Variants in TTC29 observed in about 807,000 individuals in gnomAD.
The protein encoded by TTC29 is tetratricopeptide repeat domain 29, also known as tetratricopeptide repeat protein 29.
TTC29 carries 49 observed loss-of-function variants against 58.1 expected under a neutral mutation model. The observed-to-expected ratio is 0.84, with a 90% CI of 0.67 to 1.07. The LOEUF (loss-of-function observed/expected upper bound fraction) is 1.07, where lower values mean the gene tolerates loss of function less well. Among genes scored for constraint, TTC29 ranks in the 50% least tolerant of loss-of-function variants. TTC29 has a pLI of 0.00. For missense variants in TTC29, 582 were observed against 555.6 expected, an observed-to-expected ratio of 1.05 and a Z score of -0.48; for synonymous variants, 209 against 196.8, an observed-to-expected ratio of 1.06 and a Z score of -0.52.
chr4:146,804,573 G>A (rs1298487842), intron 10 of TTC29, among the ~76,000 whole-genome samples: 3 of 152,136 alleles, frequency 2.0e-5, no homozygotes, highest in African/African-American at 7.2e-5. Flanking sequence ...CATTATGGAG[G>A]CTTGAGTAGG....
intron 11 of TTC29, among the ~76,000 whole-genome samples, chr4:146,758,217 A>G (rs1746602009): frequency 6.6e-6 from 1 of 152,194 alleles, no homozygotes; most frequent in Non-Finnish European, 1.5e-5. Flanking sequence ...CATACTTTAA[A>G]GCAACAGCAG....
chr4:146,819,116 AT>A (rs1204141147), intron 10 of TTC29, among the ~76,000 whole-genome samples: 1 of 145,056 alleles, frequency 6.9e-6, no homozygotes, highest in Non-Finnish European at 1.5e-5. Context: ...AATAATAAAA[AT>A]AAATAAATAA....
At chr4:146,840,405 A>G (rs1229615485) in intron 8 of TTC29, among the ~76,000 whole-genome samples, 1 of 152,122 alleles carries the variant, frequency 6.6e-6, no homozygotes, top group Non-Finnish European at 1.5e-5. Context: ...CTCTTCCAGT[A>G]TATTCCATTA....
At chr4:146,842,478 A>C (rs1220882015) in intron 8 of TTC29, among the ~76,000 whole-genome samples, 2 of 152,116 alleles carry the variant, frequency 1.3e-5, no homozygotes, top group Non-Finnish European at 2.9e-5. Context: ...ATAAATGAGA[A>C]TGAAACCCCT....
chr4:146,828,680 T>C (rs1392755312), intron 9 of TTC29, among the ~76,000 whole-genome samples: 1 of 152,040 alleles, frequency 6.6e-6, no homozygotes, highest in Non-Finnish European at 1.5e-5. Flanking sequence ...CAAAATAGTA[T>C]AAATAAAACT....
intron 11 of TTC29, among the ~76,000 whole-genome samples, chr4:146,725,340 G>A (rs764128859): frequency 6.6e-6 from 1 of 151,986 alleles, no homozygotes; most frequent in Non-Finnish European, 1.5e-5. Context: ...TCTGAGCCAG[G>A]CTGGGCAACA....
rs535130556 is a variant in TTC29 at position 146,928,596 on chromosome 4, G to A, written c.176+8998C>T. ...TTATAGGTGCTGGAGACTCAGCAGT[G>A]AACAAGACATCCCTCTAGTTGCTCA... On this transcript the variant is annotated intron_variant, in intron 4 of 12. Transcript: ENST00000325106. Among the ~76,000 whole-genome samples the A allele has an allele frequency of 3.3e-5, 5 of 152,312 alleles. No homozygotes were observed. The South Asian group carries it at 1.0e-3, about 32-fold the overall frequency.
In TTC29 at chr4:146,820,162, C is replaced by G; in HGVS notation, c.1064G>C (p.Arg355Thr). ...GATGTCCCCAAGCATTGTACTTGCT[C>G]TCACCAAATCTAGGCTTTGAAAATT... is the stretch of plus-strand genomic sequence containing the variant. ...RNNFQSLDLV[R>T]ASTMLGDIYN... Residue 355 changes from arginine (R) to threonine (T), a missense_variant, in exon 10 of 13, where the codon AGA becomes ACA. Physicochemically the swap from Arg to Thr is moderately conservative, Grantham distance 71 (BLOSUM62 -1). Transcript: ENST00000325106. 1 of 1,613,322 alleles carries G rather than the reference C, an allele frequency of 6.2e-7. No individual in the cohort carries two copies. The highest frequency in any genetic ancestry group is 8.5e-7 in the Non-Finnish European group (1 of 1,179,780).
chr4:146,781,477 G>T (rs1245083990), intron 11 of TTC29, among the ~76,000 whole-genome samples: 1 of 151,708 alleles, frequency 6.6e-6, no homozygotes, highest in African/African-American at 2.4e-5. Flanking sequence ...CAAATAATGG[G>T]CAAAATCACA....
intron 6 of TTC29, among the ~76,000 whole-genome samples, chr4:146,881,969 G>C (rs1027153788): frequency 5.3e-5 from 8 of 152,098 alleles, no homozygotes; most frequent in Admixed American, 1.3e-4. Context: ...GTCATTTGGA[G>C]TGCTGATTTC....
intron 8 of TTC29, among the ~76,000 whole-genome samples, chr4:146,856,677 CATT>C (rs1270941354): frequency 7.9e-4 from 118 of 148,870 alleles, no homozygotes; most frequent in African/African-American, 2.0e-3. Context: ...TAAGCTGTAA[CATT>C]ATTATTTATT....
chr4:146,836,624 T>G (rs1424519040), intron 8 of TTC29, among the ~76,000 whole-genome samples: 1 of 152,116 alleles, frequency 6.6e-6, no homozygotes, highest in Non-Finnish European at 1.5e-5. Context: ...CTACAAATTC[T>G]GTAGAAGATA....
intron 1 of TTC29, 56 bp downstream of exon 1, chr4:146,945,653 G>T (rs911794426): frequency 6.6e-6 from 1 of 152,604 alleles, no homozygotes; most frequent in Admixed American, 6.5e-5. Context: ...AGAACAGCCT[G>T]CCTCTCCAAG....
chr4:146,846,056 A>G (rs956921302), intron 8 of TTC29, among the ~76,000 whole-genome samples: 4 of 152,170 alleles, frequency 2.6e-5, no homozygotes, highest in Non-Finnish European at 4.4e-5. Context: ...CTGTAGAAAC[A>G]TTAACATGGC....
intron 11 of TTC29, among the ~76,000 whole-genome samples, chr4:146,768,075 A>T (rs1269301823): frequency 6.6e-6 from 1 of 152,042 alleles, no homozygotes; most frequent in African/African-American, 2.4e-5. Flanking sequence ...CAGGGAATTT[A>T]TTTGTCAGGA....
intron 8 of TTC29, among the ~76,000 whole-genome samples, chr4:146,864,009 T>C (rs1343602631): frequency 1.3e-5 from 2 of 152,198 alleles, no homozygotes; most frequent in East Asian, 1.9e-4. Context: ...CAGAAATGTT[T>C]CGCCAGCTAT....
chr4:146,838,410 T>C (rs1234017070), intron 8 of TTC29, among the ~76,000 whole-genome samples: 1 of 150,336 alleles, frequency 6.7e-6, no homozygotes, highest in Non-Finnish European at 1.5e-5. Context: ...AAAAAAAAAA[T>C]AGAATATCTA....
chr4:146,726,441 T>A (rs1743790317), intron 11 of TTC29, among the ~76,000 whole-genome samples: 1 of 152,086 alleles, frequency 6.6e-6, no homozygotes, highest in African/African-American at 2.4e-5. Flanking sequence ...ACAGTGAGAC[T>A]CTGTCTCAAA....
chr4:146,935,874 A>C (rs1367607985), intron 4 of TTC29, among the ~76,000 whole-genome samples: 2 of 152,352 alleles, frequency 1.3e-5, no homozygotes, highest in Admixed American at 1.3e-4. Context: ...CAGACTATGC[A>C]TAATTCTTCA....
Sources: gnomAD v4.1 joint callset for allele counts (sites outside exome capture counted in the v4.1 genomes callset) on GRCh38, gnomAD v4.1.1 for gene constraint, MANE v1.5 for transcripts, NCBI Gene and HGNC (gene_info 2026-07-23, HGNC 2026-07-21) for gene names.